The following NRG1 variants were observed in gnomAD, a reference collection of about 807,000 sequenced individuals.
The protein encoded by NRG1 is pro-neuregulin-1, membrane-bound isoform.
In NRG1, 18 loss-of-function variants were observed where a neutral mutation model predicts 63.8. That is an observed-to-expected ratio of 0.28 (90% CI 0.19 to 0.42). NRG1 has a LOEUF of 0.42. NRG1 is among the 10% of genes least tolerant of loss of function. NRG1 has a pLI of 1.00. For synonymous variants in NRG1, 302 were observed against 301.3 expected (o/e 1.00, Z -0.02); for missense variants, 762 against 814.7 (o/e 0.94, Z 0.79).
chr8:31,734,223 G>T (rs780848825), intron 1 of NRG1, among the ~76,000 whole-genome samples: 2 of 152,182 alleles, frequency 1.3e-5, no homozygotes, highest in Non-Finnish European at 2.9e-5. Context: ...CTGCCTGGAA[G>T]GCTGAGGCAG....
At chr8:32,548,244 T>A, upstream of NRG1, 3 of 985,320 alleles carry the variant, frequency 3.0e-6, no homozygotes, top group Non-Finnish European at 3.6e-6. Context: ...GGCGCCTGCC[T>A]CCAACCTGCG....
At chr8:31,649,848 A>G (rs1223261428) in intron 1 of NRG1, among the ~76,000 whole-genome samples, 2 of 152,200 alleles carry the variant, frequency 1.3e-5, no homozygotes, top group Non-Finnish European at 2.9e-5. Context: ...TAGTTTCAGA[A>G]CCTTTTAATT....
chr8:31,918,798 T>C (rs2129618249), intron 1 of NRG1, among the ~76,000 whole-genome samples: 1 of 151,608 alleles, frequency 6.6e-6, no homozygotes, highest in South Asian at 2.1e-4. Context: ...TCCTTGTACC[T>C]CTGGTAGAAT....
At chr8:32,018,150 G>A (rs1460420329) in intron 1 of NRG1, among the ~76,000 whole-genome samples, 1 of 152,154 alleles carries the variant, frequency 6.6e-6, no homozygotes, top group Non-Finnish European at 1.5e-5. Context: ...CACATGCATA[G>A]GTTGTCCAAT....
chr8:32,335,085 A>T (rs1461014957), intron 1 of NRG1, among the ~76,000 whole-genome samples: 1 of 152,196 alleles, frequency 6.6e-6, no homozygotes, highest in East Asian at 1.9e-4. Flanking sequence ...TATAATTTAT[A>T]TATTATACCA....
intron 1 of NRG1, among the ~76,000 whole-genome samples, chr8:32,348,608 A>C (rs10092518): frequency 0.52 from 78,669 of 152,014 alleles, 21,270 homozygotes; most frequent in Non-Finnish European, 0.61. Flanking sequence ...CCACTTACTT[A>C]CTCAATTGTA....
intron 1 of NRG1, among the ~76,000 whole-genome samples, chr8:32,154,849 A>G (rs189516670): frequency 2.0e-5 from 3 of 152,348 alleles, no homozygotes; most frequent in Admixed American, 2.0e-4. Flanking sequence ...AAGTCCAGCA[A>G]GGATACTTGG....
At chr8:32,745,420 T>C (rs1365183313) in intron 7 of NRG1, among the ~76,000 whole-genome samples, 1 of 152,160 alleles carries the variant, frequency 6.6e-6, no homozygotes, top group Non-Finnish European at 1.5e-5. Flanking sequence ...ACTTACATTA[T>C]TCAGACTTGA....
At chr8:31,965,837 CATT>C (rs1268904802) in intron 1 of NRG1, among the ~76,000 whole-genome samples, 1 of 151,990 alleles carries the variant, frequency 6.6e-6, no homozygotes, top group Non-Finnish European at 1.5e-5. Context: ...AGCTGGGAAC[CATT>C]ATCCTATGTG....
chr8:31,984,643 G>A (rs1190306021), intron 1 of NRG1, among the ~76,000 whole-genome samples: 2 of 152,204 alleles, frequency 1.3e-5, no homozygotes, highest in East Asian at 3.9e-4. Flanking sequence ...GCCCTGCAAT[G>A]CCAACACTTA....
intron 1 of NRG1, among the ~76,000 whole-genome samples, chr8:32,136,960 A>G (rs1409758379): frequency 6.6e-6 from 1 of 152,202 alleles, no homozygotes; most frequent in Non-Finnish European, 1.5e-5. Context: ...AGTTCTGAAT[A>G]CATTATATAC....
At chr8:31,975,997 G>A (rs545114426) in intron 1 of NRG1, among the ~76,000 whole-genome samples, 1 of 152,262 alleles carries the variant, frequency 6.6e-6, no homozygotes, top group South Asian at 2.1e-4. Flanking sequence ...TTCAAGACAA[G>A]TGGAAAATCT....
chr8:32,232,139 A>T (rs1025336616), intron 1 of NRG1, among the ~76,000 whole-genome samples: 2 of 152,002 alleles, frequency 1.3e-5, no homozygotes, highest in African/African-American at 4.8e-5. Context: ...CCTGACCTCA[A>T]GTGATCCTCC....
intron 1 of NRG1, among the ~76,000 whole-genome samples, chr8:31,938,381 C>T (rs1233775535): frequency 6.6e-6 from 1 of 152,144 alleles, no homozygotes; most frequent in Admixed American, 6.5e-5. Flanking sequence ...CAAGGGGGCA[C>T]CTCATGGGAC....
intron 1 of NRG1, among the ~76,000 whole-genome samples, chr8:32,078,594 C>G (rs1406048973): frequency 6.6e-6 from 1 of 152,164 alleles, no homozygotes; most frequent in Admixed American, 6.5e-5. Context: ...AAGACTCTGA[C>G]CGTGAGCTCT....
chr8:32,121,717 C>CAG (rs1833474036), intron 1 of NRG1, among the ~76,000 whole-genome samples: 1 of 151,892 alleles, frequency 6.6e-6, no homozygotes, highest in East Asian at 1.9e-4. Context: ...TCCCAGAAAT[C>CAG]AGAGAGAGAA....
chr8:32,308,020 A>T (rs962314314), intron 1 of NRG1, among the ~76,000 whole-genome samples: 1 of 152,136 alleles, frequency 6.6e-6, no homozygotes, highest in Admixed American at 6.5e-5. Context: ...CTACATTTGT[A>T]ATCTGTTCTG....
intron 1 of NRG1, among the ~76,000 whole-genome samples, chr8:32,493,013 G>C (rs757000215): frequency 2.0e-4 from 31 of 152,252 alleles, no homozygotes; most frequent in Non-Finnish European, 2.9e-4. Flanking sequence ...TTCCATCCAA[G>C]ACAGAGCTTA....
rs140238413 is a variant in NRG1 at position 31,983,894 on chromosome 8, T to C, written c.37+344463T>C. On this transcript the variant is annotated intron_variant, in intron 1 of 10. Coordinates refer to the NRG1 transcript ENST00000519301. Reference sequence around the variant, plus strand: ...AATCTGGAAGATAGAAGTGAAATTGTCCATGAAAAAGGAAGAAAGAAGAAT... The same window carrying C: ...AATCTGGAAGATAGAAGTGAAATTGCCCATGAAAAAGGAAGAAAGAAGAAT... Among the ~76,000 whole-genome samples, 26 of 152,094 alleles carry C rather than the reference T, an allele frequency of 1.7e-4. 1 individual carries two copies. The highest frequency in any genetic ancestry group is 7.2e-4 in the Admixed American group (11 of 15,252).
Sources: gnomAD v4.1 joint callset for allele counts (sites outside exome capture counted in the v4.1 genomes callset) on GRCh38, gnomAD v4.1.1 for gene constraint, MANE v1.5 for transcripts, NCBI Gene and HGNC (gene_info 2026-07-23, HGNC 2026-07-21) for gene names.